The following SLC25A42 variants were observed in gnomAD, a reference collection of about 807,000 sequenced individuals.
SLC25A42 encodes the protein mitochondrial coenzyme A transporter SLC25A42.
In SLC25A42, 19 loss-of-function variants were observed where a neutral mutation model predicts 34.7. The ratio of observed to expected loss-of-function variants is 0.55; its 90% CI spans 0.38 to 0.80. The LOEUF (loss-of-function observed/expected upper bound fraction) is 0.80, where lower values mean the gene tolerates loss of function less well. Ranked by LOEUF, SLC25A42 falls within the 30% of genes least tolerant of loss-of-function variation. The pLI, the probability that SLC25A42 is intolerant of heterozygous loss-of-function variation, is 0.00. For synonymous variants in SLC25A42, 205 were observed against 191.2 expected (o/e 1.07, Z -0.59); for missense variants, 364 against 441.3 (o/e 0.82, Z 1.57).
intron 1 of SLC25A42, among the ~76,000 whole-genome samples, chr19:19,065,797 T>C (rs981055466): frequency 6.6e-6 from 1 of 152,234 alleles, no homozygotes; most frequent in Non-Finnish European, 1.5e-5. Context: ...TATATATACA[T>C]ATTTCGTGTG....
At chr19:19,101,670 G>A (rs2145920373) in intron 2 of SLC25A42, 111 bp from the exon 3 acceptor site, 2 of 912,266 alleles carry the variant, frequency 2.2e-6, no homozygotes, top group Non-Finnish European at 3.3e-6. Context: ...TCAGGGTGGG[G>A]TACATCCCTC....
At chr19:19,096,246 C>T in intron 2 of SLC25A42, 41 bp downstream of exon 2, 1 of 1,514,022 alleles carries the variant, frequency 6.6e-7, no homozygotes, top group South Asian at 1.2e-5. Flanking sequence ...TCTCCTGGGG[C>T]CCCAGCCTCC....
chr19:19,102,461 G>C (rs1442907997), intron 3 of SLC25A42, among the ~76,000 whole-genome samples: 1 of 151,920 alleles, frequency 6.6e-6, no homozygotes, highest in African/African-American at 2.4e-5. Flanking sequence ...TCCACTCAGA[G>C]GCCCTGGCGC....
intron 1 of SLC25A42, among the ~76,000 whole-genome samples, chr19:19,091,982 C>G (rs2059740340): frequency 6.6e-6 from 1 of 152,136 alleles, no homozygotes; most frequent in Non-Finnish European, 1.5e-5. Flanking sequence ...GGGAGGGTGG[C>G]GGGTGCTGGT....
chr19:19,099,505 G>A (rs976632170), intron 2 of SLC25A42, among the ~76,000 whole-genome samples: 2 of 152,076 alleles, frequency 1.3e-5, no homozygotes, highest in Non-Finnish European at 2.9e-5. Flanking sequence ...GAGCTCAGTC[G>A]GGCAGAGCTG....
At chr19:19,093,507 G>C (rs2059748776) in intron 1 of SLC25A42, among the ~76,000 whole-genome samples, 2 of 152,138 alleles carry the variant, frequency 1.3e-5, no homozygotes, top group Non-Finnish European at 2.9e-5. Context: ...CATTTTTCCT[G>C]AATGTCCTTT....
At chr19:19,086,154 T>C (rs763848380) in intron 1 of SLC25A42, among the ~76,000 whole-genome samples, 1 of 152,164 alleles carries the variant, frequency 6.6e-6, no homozygotes, top group Non-Finnish European at 1.5e-5. Context: ...GTTTTAGCAC[T>C]TTATGAGAGA....
chr19:19,105,701 G>T lies in SLC25A42; in HGVS notation c.354G>T (p.Leu118=), dbSNP rs753469566. Reference sequence around the variant, plus strand: ...CACACGAGGAGTACAAGCGCATCCTGGGCAGCTACTATGGCTTCCGTGGAG... The same window carrying T: ...CACACGAGGAGTACAAGCGCATCCTTGGCAGCTACTATGGCTTCCGTGGAG... ...FSAHEEYKRI[L]GSYYGFRGEA... is the part of the protein sequence containing the mutation. Residue 118 remains leucine (L), a synonymous_variant, in exon 5 of 8, where the codon CTG becomes CTT. Coordinates refer to ENST00000318596, the MANE Select transcript of SLC25A42 (RefSeq NM_178526.5). 1.9e-6 allele frequency: 3 copies of T among 1,602,020 alleles called. No individual in the cohort carries two copies. Among genetic ancestry groups the T allele is most frequent in the Admixed American group, 1.7e-5 (1 of 58,880 alleles).
chr19:19,110,733 C>T lies in SLC25A42; in HGVS notation c.814C>T (p.Arg272Cys), dbSNP rs1406128986. The change falls in exon 8 of 8, where the codon CGC becomes TGC. Residue 272 changes from arginine (R) to cysteine (C), a missense_variant. Arg to Cys is a radical substitution (Grantham distance 180). Transcript: ENST00000318596. Reference protein sequence around the residue: ...YPRASIARTLRTIVREEGAVR... With the variant: ...YPRASIARTLCTIVREEGAVR... ...GCGCGCCTCCATCGCCCGCACGCTG[C>T]GCACCATCGTGCGGGAGGAGGGCGC... The T allele has an allele frequency of 6.2e-7, 1 of 1,610,700 alleles. No individual in the cohort carries two copies. Among genetic ancestry groups the T allele is most frequent in the Non-Finnish European group, 8.5e-7 (1 of 1,178,846 alleles).
chr19:19,089,530 A>T (rs1023074988), intron 1 of SLC25A42, among the ~76,000 whole-genome samples: 3 of 146,934 alleles, frequency 2.0e-5, no homozygotes, highest in African/African-American at 7.7e-5. Context: ...TCCATCTCAA[A>T]AAAAATAATA....
At position 19,064,745 on chromosome 19, in the gene SLC25A42, C is replaced by T. The variant is rs184792423; in HGVS notation, c.-35+630C>T. ...TTTTCTCTCTCCCACCTTGGGCTTTCTTCCACGTGCACCTGTGTTCGCACA... is the reference window on the plus strand; with the variant it reads ...TTTTCTCTCTCCCACCTTGGGCTTTTTTCCACGTGCACCTGTGTTCGCACA... On this transcript the variant is annotated intron_variant, in intron 1 of 7. Coordinates refer to ENST00000318596, the MANE Select transcript of SLC25A42 (RefSeq NM_178526.5). 7.3e-5 allele frequency among the ~76,000 whole-genome samples: 11 copies of T among 151,328 alleles called. No homozygotes were observed. The East Asian group carries it at 2.2e-3, about 30-fold the overall frequency.
chr19:19,106,245 G>T (rs758951143), intron 5 of SLC25A42, 24 bp from the exon 6 acceptor site: 2 of 1,595,436 alleles, frequency 1.3e-6, no homozygotes, highest in South Asian at 1.1e-5. Flanking sequence ...CTGCCGTCTC[G>T]CCTTCTCCTC....
At chr19:19,105,327 TTGG>T (rs1296248778) in intron 4 of SLC25A42, 18 of 593,462 alleles carry the variant, frequency 3.0e-5, no homozygotes, top group Non-Finnish European at 4.4e-5. Context: ...CCAAGAGAAC[TTGG>T]TGGGGTGGGA....
chr19:19,095,871 G>A, intron 1 of SLC25A42: 1 of 584,076 alleles, frequency 1.7e-6, no homozygotes, highest in Non-Finnish European at 3.2e-6. Flanking sequence ...CACCAGATTT[G>A]GAAAAAGAAC....
At position 19,105,594 on chromosome 19, in the gene SLC25A42, A is replaced by G; in HGVS notation, c.247A>G (p.Asn83Asp). 1 of 1,613,932 alleles carries G rather than the reference A, an allele frequency of 6.2e-7. No individual in the cohort carries two copies. Among genetic ancestry groups the G allele is most frequent in the Admixed American group, 1.7e-5 (1 of 59,994 alleles). The change falls in exon 5 of 8, where the codon AAC becomes GAC. Residue 83 changes from asparagine to aspartate, a missense_variant. Transcript: ENST00000318596. ...CCGGGTCCTCTACTACACCTACCTC[A>G]ACGAGGGATTTCTCAGCTTGTGGCG... ...AFRVLYYTYL[N>D]EGFLSLWRGN... is the part of the protein sequence containing the mutation.
At chr19:19,087,972 T>G (rs1235274481) in intron 1 of SLC25A42, among the ~76,000 whole-genome samples, 2 of 152,124 alleles carry the variant, frequency 1.3e-5, no homozygotes, top group Non-Finnish European at 2.9e-5. Context: ...TGGTCCTAAG[T>G]TGGAAGGGGG....
At chr19:19,090,777 G>A (rs946310603) in intron 1 of SLC25A42, among the ~76,000 whole-genome samples, 2 of 152,202 alleles carry the variant, frequency 1.3e-5, no homozygotes, top group African/African-American at 4.8e-5. Context: ...CCCTCCTCCA[G>A]GTACAGGGGA....
chr19:19,067,595 A>T (rs1219245190), intron 1 of SLC25A42, among the ~76,000 whole-genome samples: 2 of 152,090 alleles, frequency 1.3e-5, no homozygotes, highest in Non-Finnish European at 2.9e-5. Flanking sequence ...TGTTAAAAAA[A>T]ATTTTTTTTG....
In SLC25A42 at chr19:19,105,683, G is replaced by A; in HGVS notation, c.336G>A (p.Glu112=). The A allele has an allele frequency of 6.2e-7, 1 of 1,612,310 alleles. No individual in the cohort carries two copies. The highest frequency in any genetic ancestry group is 2.2e-5 in the East Asian group (1 of 44,804). Residue 112 remains glutamate, a synonymous_variant, in exon 5 of 8, where the codon GAG becomes GAA. Transcript: ENST00000318596. The part of the protein sequence containing the change: ...PYAAIQFSAH[E]EYKRILGSYY... ...CCGCCATCCAGTTCAGCGCACACGA[G>A]GAGTACAAGCGCATCCTGGGCAGCT...
Sources: gnomAD v4.1 joint callset for allele counts (sites outside exome capture counted in the v4.1 genomes callset) on GRCh38, gnomAD v4.1.1 for gene constraint, MANE v1.5 for transcripts, NCBI Gene and HGNC (gene_info 2026-07-23, HGNC 2026-07-21) for gene names.